The following HNRNPC variants were observed in gnomAD, a reference collection of about 807,000 sequenced individuals.
HNRNPC encodes heterogeneous nuclear ribonucleoproteins C1/C2.
HNRNPC carries 3 observed loss-of-function variants against 33.2 expected under a neutral mutation model. The observed-to-expected ratio is 0.09, with a 90% CI of 0.04 to 0.23. The LOEUF (loss-of-function observed/expected upper bound fraction) is 0.23. Ranked by LOEUF, HNRNPC falls within the 10% of genes least tolerant of loss-of-function variation. The pLI is 1.00. For synonymous variants in HNRNPC, 121 were observed against 126.7 expected (o/e 0.96, Z 0.30); for missense variants, 143 against 366.7 (o/e 0.39, Z 4.98).
At chr14:21,259,882 CAAAA>C (rs5807071) in intron 2 of HNRNPC, among the ~76,000 whole-genome samples, 2 of 132,900 alleles carry the variant, frequency 1.5e-5, no homozygotes, top group Admixed American at 1.6e-4. Flanking sequence ...CTGTCTCCAC[CAAAA>C]AAAAAAAAAA....
At position 21,256,085 on chromosome 14, in the gene HNRNPC, A is replaced by G. The variant is rs78974307; in HGVS notation, c.-37+7226T>C. On this transcript the variant is annotated intron_variant, in intron 2 of 8. Transcript: ENST00000553300. ...AACAAATCACGTGGGATGCCCTGTAAATCACAGAAAAATTTTTGACTTCAA... is the reference window on the plus strand; with the variant it reads ...AACAAATCACGTGGGATGCCCTGTAGATCACAGAAAAATTTTTGACTTCAA... Among the ~76,000 whole-genome samples, 1,003 of 151,628 alleles carry G rather than the reference A, an allele frequency of 6.6e-3. 55 individuals carry two copies. In the East Asian group the frequency reaches 0.14, roughly 21 times the overall value.
intron 5 of HNRNPC, among the ~76,000 whole-genome samples, chr14:21,228,423 A>C (rs1023158712): frequency 6.6e-6 from 1 of 151,996 alleles, no homozygotes; most frequent in East Asian, 1.9e-4. Context: ...AAGGAGTCTC[A>C]CTCTGTCACC....
intron 3 of HNRNPC, 28 bp downstream of exon 3, chr14:21,233,925 T>C: frequency 6.2e-7 from 1 of 1,608,844 alleles, no homozygotes. Context: ...AGGCCTGAAT[T>C]ACATCATCAA....
chr14:21,259,028 C>A (rs1877719726), intron 2 of HNRNPC, among the ~76,000 whole-genome samples: 1 of 152,206 alleles, frequency 6.6e-6, no homozygotes, highest in Admixed American at 6.5e-5. Flanking sequence ...GTGCCCAAGA[C>A]AGGATCTTAA....
intron 3 of HNRNPC, 94 bp from the exon 4 acceptor site, chr14:21,231,166 G>T: frequency 8.0e-7 from 1 of 1,255,514 alleles, no homozygotes; most frequent in Non-Finnish European, 1.1e-6. Context: ...ACATAGTTTC[G>T]CTTTCTCGCT....
chr14:21,218,557 A>G (rs1892462539), intron 5 of HNRNPC, among the ~76,000 whole-genome samples: 1 of 151,516 alleles, frequency 6.6e-6, no homozygotes, highest in Non-Finnish European at 1.5e-5. Context: ...GTGTGGTGGC[A>G]TGCACCTGTA....
chr14:21,261,346 A>G (rs1226718134), intron 2 of HNRNPC, among the ~76,000 whole-genome samples: 1 of 152,248 alleles, frequency 6.6e-6, no homozygotes, highest in African/African-American at 2.4e-5. Flanking sequence ...CAGCTTCCGT[A>G]CACTGACAGC....
Position 21,230,561 on chromosome 14 carries a change from T to C in HNRNPC, c.318-195A>G, listed in dbSNP as rs573120460. On this transcript the variant is annotated intron_variant, in intron 4 of 8. Transcript: ENST00000553300. The stretch of plus-strand genomic sequence containing the variant: ...GACCACTGGAAATGTAGCGGTCAAA[T>C]TGGAAATTCAGGTTAAAATTCGCTA... 7.1e-5 allele frequency: 39 copies of C among 546,716 alleles called. No homozygotes were observed. In the South Asian group the frequency reaches 7.7e-4, roughly 11 times the overall value. The allele number at this position is 546,716 out of a possible 1,614,324, so 33.9% of individuals were successfully genotyped here.
intron 2 of HNRNPC, among the ~76,000 whole-genome samples, chr14:21,260,369 T>TA (rs11345053): frequency 0.048 from 5,856 of 122,128 alleles, 137 homozygotes; most frequent in Middle Eastern, 0.055. Flanking sequence ...CCGTCTTATT[T>TA]AAAAAAAAAA....
At chr14:21,264,636 C>T (rs1357937212) in intron 1 of HNRNPC, 1 of 152,138 alleles carries the variant, frequency 6.6e-6, no homozygotes, top group Non-Finnish European at 1.5e-5. Context: ...ATAGGAACTG[C>T]AATTAGACTG....
intron 2 of HNRNPC, among the ~76,000 whole-genome samples, chr14:21,239,107 G>A (rs1248862393): frequency 6.6e-6 from 1 of 152,032 alleles, no homozygotes; most frequent in East Asian, 1.9e-4. Context: ...CTAGGCAACA[G>A]AAGGAGACAC....
At chr14:21,237,544 T>A (rs923318151) in intron 2 of HNRNPC, among the ~76,000 whole-genome samples, 1 of 152,216 alleles carries the variant, frequency 6.6e-6, no homozygotes. Flanking sequence ...CAAGACTACC[T>A]CGTCCTACAA....
At chr14:21,241,257 C>CAAAAA (rs56033944) in intron 2 of HNRNPC, among the ~76,000 whole-genome samples, 4 of 94,022 alleles carry the variant, frequency 4.3e-5, no homozygotes, top group African/African-American at 2.0e-4. Flanking sequence ...GACTATGTCT[C>CAAAAA]AAAAAAAAAA....
At chr14:21,248,476 T>C (rs1325635744) in intron 2 of HNRNPC, among the ~76,000 whole-genome samples, 1 of 152,142 alleles carries the variant, frequency 6.6e-6, no homozygotes, top group Admixed American at 6.6e-5. Flanking sequence ...AGGATAGGAA[T>C]GAAGCATAAA....
chr14:21,230,588 G>T (rs1027650174), intron 4 of HNRNPC: 1 of 547,478 alleles, frequency 1.8e-6, no homozygotes, highest in Non-Finnish European at 3.3e-6. Context: ...AATTCGCTAA[G>T]ATTTCCACAT....
chr14:21,250,208 G>A (rs1404967126), intron 2 of HNRNPC, among the ~76,000 whole-genome samples: 4 of 151,068 alleles, frequency 2.6e-5, no homozygotes, highest in East Asian at 1.9e-4. Flanking sequence ...AGCCGAGATC[G>A]CACCACTGCA....
intron 2 of HNRNPC, among the ~76,000 whole-genome samples, chr14:21,247,315 A>T (rs1896093674): frequency 6.6e-6 from 1 of 152,164 alleles, no homozygotes; most frequent in Non-Finnish European, 1.5e-5. Context: ...TTTTGCTGTA[A>T]AGTATAAACA....
At chr14:21,226,327 G>GAAAAAAAAA (rs374686866) in intron 5 of HNRNPC, among the ~76,000 whole-genome samples, 1 of 110,602 alleles carries the variant, frequency 9.0e-6, no homozygotes, top group Non-Finnish European at 1.9e-5. Context: ...GTTTCCAAAA[G>GAAAAAAAAA]AAAAAAAAAA....
intron 5 of HNRNPC, among the ~76,000 whole-genome samples, chr14:21,228,076 G>T (rs1234683461): frequency 2.0e-5 from 3 of 152,184 alleles, no homozygotes; most frequent in Non-Finnish European, 4.4e-5. Flanking sequence ...AATCCCTATA[G>T]GAGAAGCTGG....
Sources: gnomAD v4.1 joint callset for allele counts (sites outside exome capture counted in the v4.1 genomes callset) on GRCh38, gnomAD v4.1.1 for gene constraint, MANE v1.5 for transcripts, NCBI Gene and HGNC (gene_info 2026-07-23, HGNC 2026-07-21) for gene names.